Variants in ARRB1 observed in about 807,000 individuals in gnomAD.
ARRB1 encodes the protein beta-arrestin-1.
A neutral mutation model predicts 56.8 loss-of-function variants in ARRB1; 21 were observed. The observed-to-expected ratio is 0.37, with a 90% CI of 0.26 to 0.53. The LOEUF is 0.53. ARRB1 is among the 20% of genes least tolerant of loss of function. The pLI is 0.88. For synonymous variants in ARRB1, 210 were observed against 218.6 expected, an observed-to-expected ratio of 0.96 and a Z score of 0.35; for missense variants, 424 against 553.7, an observed-to-expected ratio of 0.77 and a Z score of 2.35.
At chr11:75,270,737 A>G (rs1336469800) in intron 13 of ARRB1, among the ~76,000 whole-genome samples, 1 of 152,162 alleles carries the variant, frequency 6.6e-6, no homozygotes, top group Non-Finnish European at 1.5e-5. Flanking sequence ...AGAAGGTTAC[A>G]GTGAACCAAG....
At position 75,274,095 on chromosome 11, in the gene ARRB1, G is replaced by A; in HGVS notation, c.893C>T (p.Thr298Met). The change falls in exon 11 of 16, where the codon ACG becomes ATG. Residue 298 changes from threonine to methionine, a missense_variant. Thr to Met is a moderately conservative substitution (Grantham distance 81). Transcript: ENST00000420843. The part of the protein sequence containing the change: ...ALDGKLKHED[T>M]NLASSTLLRE... ...TCACAGGGTGCTAGAGGCCAAGTTC[G>A]TGTCTTCGTGCTTGAGCTTCCCGTC... The A allele has an allele frequency of 1.2e-6, 2 of 1,614,184 alleles. No individual in the cohort carries two copies. Among genetic ancestry groups the A allele is most frequent in the East Asian group, 2.2e-5 (1 of 44,878 alleles).
intron 10 of ARRB1, among the ~76,000 whole-genome samples, chr11:75,275,157 A>ATTTTTTTTT (rs1554972757): frequency 4.1e-4 from 62 of 150,622 alleles, no homozygotes; most frequent in Non-Finnish European, 8.3e-4. Flanking sequence ...ATTTTATTTT[A>ATTTTTTTTT]TTTTTTTGAG....
chr11:75,309,997 G>A (rs913797861), intron 1 of ARRB1, among the ~76,000 whole-genome samples: 2 of 152,094 alleles, frequency 1.3e-5, no homozygotes, highest in Non-Finnish European at 2.9e-5. Flanking sequence ...TAAGAAGCCC[G>A]CAGGAGGAAC....
chr11:75,332,469 T>C (rs1591983770), intron 1 of ARRB1, among the ~76,000 whole-genome samples: 1 of 152,338 alleles, frequency 6.6e-6, no homozygotes, highest in East Asian at 1.9e-4. Flanking sequence ...CTATTTTCTC[T>C]AAGGGCAGCC....
At chr11:75,330,560 G>A (rs1308193079) in intron 1 of ARRB1, among the ~76,000 whole-genome samples, 1 of 152,212 alleles carries the variant, frequency 6.6e-6, no homozygotes, top group Non-Finnish European at 1.5e-5. Flanking sequence ...CTCTGCCGAA[G>A]AAATATAAAC....
intron 2 of ARRB1, among the ~76,000 whole-genome samples, 170 bp from the exon 3 acceptor site, chr11:75,287,545 G>A (rs372019118): frequency 1.3e-5 from 2 of 152,282 alleles, no homozygotes; most frequent in African/African-American, 2.4e-5. Flanking sequence ...ACCAAGATTC[G>A]CAAACCCCTG....
chr11:75,337,363 C>T (rs1565146271), intron 1 of ARRB1, among the ~76,000 whole-genome samples: 1 of 152,274 alleles, frequency 6.6e-6, no homozygotes, highest in East Asian at 1.9e-4. Context: ...AAGATCCTAT[C>T]TCAAAGGAAA....
intron 1 of ARRB1, among the ~76,000 whole-genome samples, chr11:75,324,524 G>A (rs938879004): frequency 3.3e-5 from 5 of 152,158 alleles, no homozygotes; most frequent in Admixed American, 1.3e-4. Context: ...GTGAATGAAC[G>A]AAGGGCTGAA....
At position 75,287,349 on chromosome 11, in the gene ARRB1, G is replaced by C. The variant is rs1468733035; in HGVS notation, c.78C>G (p.Asp26Glu). ...GKLTVYLGKRDFVDHIDLVDP... is the reference protein window; with the variant it reads ...GKLTVYLGKREFVDHIDLVDP... The stretch of plus-strand genomic sequence containing the variant: ...CCACGAGGTCGATGTGGTCCACAAA[G>C]TCCCGCTTTCCCAGGTAGACGGTGA... The change falls in exon 3 of 16, where the codon GAC becomes GAG. Residue 26 changes from aspartate to glutamate, a missense_variant. By Grantham distance (45) the Asp-to-Glu change is conservative. This residue lies in a region of ARRB1 where 301 missense variants were observed against 387.9 expected (regional missense o/e 0.78). Coordinates refer to ENST00000420843, the MANE Select transcript of ARRB1 (RefSeq NM_004041.5). The C allele has an allele frequency of 6.4e-7, 1 of 1,560,966 alleles. No homozygotes were observed. Among genetic ancestry groups the C allele is most frequent in the Non-Finnish European group, 8.7e-7 (1 of 1,152,032 alleles).
At chr11:75,306,585 T>C in intron 1 of ARRB1, 5 of 1,288,332 alleles carry the variant, frequency 3.9e-6, no homozygotes, top group African/African-American at 1.5e-5. Flanking sequence ...AAAGATTCAG[T>C]GGAGTGAAGA....
intron 1 of ARRB1, among the ~76,000 whole-genome samples, chr11:75,304,036 T>C (rs1946965194): frequency 6.6e-6 from 1 of 152,198 alleles, no homozygotes; most frequent in Non-Finnish European, 1.5e-5. Flanking sequence ...CCTTGCCATC[T>C]GGATGAGCAC....
At chr11:75,267,751 T>A (rs1167458537) in intron 14 of ARRB1, 48 bp from the exon 15 acceptor site, 2 of 1,569,600 alleles carry the variant, frequency 1.3e-6, no homozygotes, top group Admixed American at 1.7e-5. Flanking sequence ...AGTGAGTGGA[T>A]GAGCACGGGG....
chr11:75,351,501 GA>G, intron 1 of ARRB1, 86 bp downstream of exon 1: 1 of 1,487,724 alleles, frequency 6.7e-7, no homozygotes. Flanking sequence ...CGCGAACGCA[GA>G]ACCAGGACGC....
chr11:75,277,177 T>G (rs1242729460), intron 9 of ARRB1, among the ~76,000 whole-genome samples, 187 bp downstream of exon 9: 1 of 152,238 alleles, frequency 6.6e-6, no homozygotes. Flanking sequence ...GCAAACTCAT[T>G]ACCTAGCCAA....
chr11:75,312,937 ATTTGTGTTG>A (rs1364518841), intron 1 of ARRB1, among the ~76,000 whole-genome samples: 2 of 152,206 alleles, frequency 1.3e-5, no homozygotes, highest in Non-Finnish European at 2.9e-5. Flanking sequence ...TAAAGAATAT[ATTTGTGTTG>A]TTTTAAGCCA....
intron 1 of ARRB1, among the ~76,000 whole-genome samples, chr11:75,302,254 T>C (rs544504370): frequency 4.5e-4 from 68 of 152,352 alleles, no homozygotes; most frequent in African/African-American, 1.6e-3. Flanking sequence ...CACAGACTTC[T>C]AGGCCGACAG....
At chr11:75,341,228 C>T (rs1046996478) in intron 1 of ARRB1, among the ~76,000 whole-genome samples, 2 of 152,150 alleles carry the variant, frequency 1.3e-5, no homozygotes, top group Admixed American at 1.3e-4. Context: ...ACCTTCACCT[C>T]CCGGGTCCAA....
At chr11:75,323,674 C>T (rs569013486) in intron 1 of ARRB1, among the ~76,000 whole-genome samples, 1 of 152,194 alleles carries the variant, frequency 6.6e-6, no homozygotes, top group Admixed American at 6.5e-5. Context: ...TCTCTCCCCC[C>T]ATGAGCAAGA....
intron 9 of ARRB1, 92 bp downstream of exon 9, chr11:75,277,272 G>T: frequency 7.7e-7 from 1 of 1,293,780 alleles, no homozygotes; most frequent in Non-Finnish European, 1.1e-6. Context: ...TTTTATACAA[G>T]GCTGTTAACA....
Sources: gnomAD v4.1 joint callset for allele counts (sites outside exome capture counted in the v4.1 genomes callset) on GRCh38, gnomAD v4.1.1 for gene constraint, gnomAD v4.1.1 regional missense constraint, MANE v1.5 for transcripts, NCBI Gene and HGNC (gene_info 2026-07-23, HGNC 2026-07-21) for gene names.